The following B3GALT1 variants were observed in gnomAD, a reference collection of about 807,000 sequenced individuals.
B3GALT1 encodes the protein UDP-Gal:betaGlcNAc beta 1,3-galactosyltransferase, polypeptide 1.
Under a neutral mutation model 23.2 loss-of-function variants are expected in B3GALT1, and 10 were observed. The observed-to-expected ratio is 0.43, with a 90% CI of 0.27 to 0.73. The LOEUF (loss-of-function observed/expected upper bound fraction) is 0.73, where lower values mean the gene tolerates loss of function less well. Ranked by LOEUF, B3GALT1 falls within the 30% of genes least tolerant of loss-of-function variation. The pLI, the probability that B3GALT1 is intolerant of heterozygous loss-of-function variation, is 0.21. For synonymous variants in B3GALT1, 156 were observed against 141.5 expected (o/e 1.10, Z -0.73); for missense variants, 299 against 405.4 (o/e 0.74, Z 2.25).
At chr2:167,406,004 A>G (rs1254931258) in intron 1 of B3GALT1, among the ~76,000 whole-genome samples, 6 of 152,154 alleles carry the variant, frequency 3.9e-5, no homozygotes, top group Non-Finnish European at 5.9e-5. Flanking sequence ...GCTGTTGTGT[A>G]AGGATAGATG....
At chr2:167,825,872 G>T (rs1689211918) in intron 4 of B3GALT1, among the ~76,000 whole-genome samples, 1 of 152,184 alleles carries the variant, frequency 6.6e-6, no homozygotes, top group Non-Finnish European at 1.5e-5. Flanking sequence ...CCACTGTGAG[G>T]TTGCCAGGTG....
chr2:167,356,613 T>G (rs955620059), intron 1 of B3GALT1, among the ~76,000 whole-genome samples: 2 of 152,034 alleles, frequency 1.3e-5, no homozygotes, highest in Non-Finnish European at 2.9e-5. Context: ...TAAGATGAAG[T>G]TTTTGGTAAT....
chr2:167,797,240 T>C (rs1688558753), intron 3 of B3GALT1, among the ~76,000 whole-genome samples: 1 of 152,246 alleles, frequency 6.6e-6, no homozygotes, highest in African/African-American at 2.4e-5. Context: ...TGGTTTTCTG[T>C]TCCTGCATGA....
intron 1 of B3GALT1, among the ~76,000 whole-genome samples, chr2:167,427,580 A>G (rs1420968798): frequency 2.6e-5 from 4 of 152,214 alleles, no homozygotes; most frequent in Non-Finnish European, 5.9e-5. Context: ...TCTGTTGCCC[A>G]GGCTGGAGTG....
At chr2:167,709,080 T>TG (rs1325264102) in intron 3 of B3GALT1, among the ~76,000 whole-genome samples, 3 of 152,226 alleles carry the variant, frequency 2.0e-5, no homozygotes, top group Non-Finnish European at 2.9e-5. Context: ...TTTCATGCCC[T>TG]GCTGTGACCA....
rs113527019 is a variant in B3GALT1 at position 167,439,030 on chromosome 2, C to T, written c.-510-51147C>T. On this transcript the variant is annotated intron_variant, in intron 1 of 4. Coordinates refer to ENST00000392690, the MANE Select transcript of B3GALT1 (RefSeq NM_020981.4). ...TCCAAGGACAAAGAAAGGCCTGGCT[C>T]CCACAGAATAAATATTCAAAGGCAA... is the stretch of plus-strand genomic sequence containing the variant. 6.6e-4 allele frequency among the ~76,000 whole-genome samples: 101 copies of T among 152,294 alleles called. 1 individual carries two copies. Among genetic ancestry groups the T allele is most frequent in the African/African-American group, 2.1e-3 (88 of 41,558 alleles).
chr2:167,296,953 A>T (rs1004017803), intron 1 of B3GALT1, among the ~76,000 whole-genome samples: 4 of 152,156 alleles, frequency 2.6e-5, no homozygotes, highest in Non-Finnish European at 4.4e-5. Flanking sequence ...TCTTGAACTT[A>T]TATGTCCCCA....
intron 1 of B3GALT1, among the ~76,000 whole-genome samples, chr2:167,431,092 G>A (rs1444667664): frequency 6.6e-6 from 1 of 152,128 alleles, no homozygotes; most frequent in Non-Finnish European, 1.5e-5. Context: ...CATGTACTTT[G>A]ATAGCCAATT....
At chr2:167,765,427 C>T in intron 3 of B3GALT1, among the ~76,000 whole-genome samples, 1 of 152,074 alleles carries the variant, frequency 6.6e-6, no homozygotes, top group Non-Finnish European at 1.5e-5. Flanking sequence ...AGTGGGAGCC[C>T]CTCAGGTGTA....
chr2:167,372,870 C>G (rs2105270796), intron 1 of B3GALT1, among the ~76,000 whole-genome samples: 1 of 152,148 alleles, frequency 6.6e-6, no homozygotes, highest in East Asian at 1.9e-4. Context: ...GATTAGAAGA[C>G]TTGTTATTGT....
chr2:167,545,051 T>TG (rs1394655106), intron 2 of B3GALT1, among the ~76,000 whole-genome samples: 1 of 118,660 alleles, frequency 8.4e-6, no homozygotes, highest in Non-Finnish European at 1.7e-5. Context: ...TTTTTTTTTT[T>TG]TTTGAGACAG....
intron 4 of B3GALT1, among the ~76,000 whole-genome samples, chr2:167,866,894 T>G (rs1169623228): frequency 6.6e-6 from 1 of 152,228 alleles, no homozygotes; most frequent in Non-Finnish European, 1.5e-5. Context: ...CTTTTGTAAT[T>G]GAAATGGAGT....
Position 167,847,510 on chromosome 2 carries a change from G to C in B3GALT1, c.-229-21301G>C, listed in dbSNP as rs371072773. ...AGCACTGAGTCAAAAATGAAATCAA[G>C]ACAGAAATTTAAAAATTCTTCAGAC... On this transcript the variant is annotated intron_variant, in intron 4 of 4. Transcript: ENST00000392690. Among the ~76,000 whole-genome samples, 3 of 152,224 alleles carry C rather than the reference G, an allele frequency of 2.0e-5. No individual in the cohort carries two copies. In the East Asian group the frequency reaches 5.8e-4, roughly 29 times the overall value.
At chr2:167,724,272 C>T (rs1182033944) in intron 3 of B3GALT1, among the ~76,000 whole-genome samples, 4 of 152,256 alleles carry the variant, frequency 2.6e-5, no homozygotes, top group Non-Finnish European at 4.4e-5. Context: ...TGGAGGGACT[C>T]AGAGTCCTAC....
intron 2 of B3GALT1, among the ~76,000 whole-genome samples, chr2:167,542,956 G>A (rs1228104073): frequency 6.6e-6 from 1 of 152,002 alleles, no homozygotes; most frequent in Non-Finnish European, 1.5e-5. Context: ...AAAGTTCTTG[G>A]TGTGAAAATG....
At chr2:167,410,984 G>C (rs2105295452) in intron 1 of B3GALT1, among the ~76,000 whole-genome samples, 1 of 151,654 alleles carries the variant, frequency 6.6e-6, no homozygotes, top group Non-Finnish European at 1.5e-5. Flanking sequence ...TAAGAAAAAG[G>C]AGCATATATC....
chr2:167,467,291 C>T (rs1463022890), intron 1 of B3GALT1, among the ~76,000 whole-genome samples: 1 of 151,924 alleles, frequency 6.6e-6, no homozygotes. Flanking sequence ...AGAAGAAAAC[C>T]CAAGTATTCT....
intron 3 of B3GALT1, among the ~76,000 whole-genome samples, chr2:167,778,483 A>G (rs1688198987): frequency 1.3e-5 from 2 of 152,204 alleles, no homozygotes; most frequent in Non-Finnish European, 2.9e-5. Flanking sequence ...TGCATAAACT[A>G]TGTAGAAATG....
intron 4 of B3GALT1, among the ~76,000 whole-genome samples, chr2:167,847,282 C>T (rs932907915): frequency 6.6e-6 from 1 of 152,178 alleles, no homozygotes; most frequent in African/African-American, 2.4e-5. Flanking sequence ...CCACAGAATA[C>T]ACATTCTATT....
Sources: gnomAD v4.1 joint callset for allele counts (sites outside exome capture counted in the v4.1 genomes callset) on GRCh38, gnomAD v4.1.1 for gene constraint, MANE v1.5 for transcripts, NCBI Gene and HGNC (gene_info 2026-07-23, HGNC 2026-07-21) for gene names.